KCND3: variants seen among roughly 807,000 people sequenced by gnomAD.
KCND3 encodes the protein potassium voltage-gated channel subfamily D member 3.
In KCND3, 9 loss-of-function variants were observed where a neutral mutation model predicts 51.1. The observed-to-expected ratio is 0.18, with a 90% CI of 0.11 to 0.31. The LOEUF is 0.31. Ranked by LOEUF, KCND3 falls within the 10% of genes least tolerant of loss-of-function variation. KCND3 has a pLI of 1.00. For missense variants in KCND3, 526 were observed against 903.8 expected, an observed-to-expected ratio of 0.58 and a Z score of 5.36; for synonymous variants, 349 against 368.0, an observed-to-expected ratio of 0.95 and a Z score of 0.59.
intron 2 of KCND3, among the ~76,000 whole-genome samples, chr1:111,975,344 G>T (rs952970435): frequency 6.6e-6 from 1 of 152,158 alleles, no homozygotes; most frequent in African/African-American, 2.4e-5. Context: ...TTCTCCCAGG[G>T]GTAGAGAAGA....
chr1:111,975,277 C>T (rs1448716338), intron 2 of KCND3, among the ~76,000 whole-genome samples: 1 of 152,214 alleles, frequency 6.6e-6, no homozygotes, highest in Admixed American at 6.5e-5. Context: ...GAGGTCTCGG[C>T]TGCCCCTGGC....
chr1:111,935,963 A>G (rs542331102), intron 2 of KCND3, among the ~76,000 whole-genome samples: 3 of 152,380 alleles, frequency 2.0e-5, no homozygotes, highest in African/African-American at 7.2e-5. Flanking sequence ...TAAACTCTGC[A>G]AGACTGGTTT....
intron 2 of KCND3, among the ~76,000 whole-genome samples, chr1:111,933,284 C>T (rs764748366): frequency 2.0e-5 from 3 of 152,182 alleles, no homozygotes; most frequent in Non-Finnish European, 2.9e-5. Flanking sequence ...TCTGGTATTT[C>T]TTCATGGCAG....
At chr1:111,859,255 GTTC>G (rs139240728) in intron 2 of KCND3, among the ~76,000 whole-genome samples, 19,857 of 152,070 alleles carry the variant, frequency 0.13, 1,647 homozygotes, top group East Asian at 0.4. Context: ...CCCTTTTGAA[GTTC>G]TTCTTCTCCC....
At chr1:111,924,143 C>T (rs935728362) in intron 2 of KCND3, among the ~76,000 whole-genome samples, 3 of 152,228 alleles carry the variant, frequency 2.0e-5, no homozygotes, top group African/African-American at 7.2e-5. Flanking sequence ...ATATCCACTC[C>T]ACATTCATCA....
At chr1:111,823,482 T>C (rs1408072283) in intron 2 of KCND3, among the ~76,000 whole-genome samples, 1 of 152,208 alleles carries the variant, frequency 6.6e-6, no homozygotes, top group Non-Finnish European at 1.5e-5. Flanking sequence ...CTTTAAAGAC[T>C]GAGCTGCTCT....
chr1:111,967,408 C>T (rs11807496), intron 2 of KCND3, among the ~76,000 whole-genome samples: 1,528 of 152,300 alleles, frequency 0.01, 22 homozygotes, highest in African/African-American at 0.035. Context: ...CAACGAGAGG[C>T]ATCCAGGGAG....
intron 2 of KCND3, among the ~76,000 whole-genome samples, chr1:111,919,064 T>A (rs905016661): frequency 1.3e-5 from 2 of 151,596 alleles, no homozygotes. Context: ...GGGCATCATT[T>A]CACCCCCGGG....
chr1:111,986,069 G>T (rs1276859070), intron 1 of KCND3, among the ~76,000 whole-genome samples: 1 of 152,146 alleles, frequency 6.6e-6, no homozygotes, highest in African/African-American at 2.4e-5. Context: ...CTTTGTTTAG[G>T]ATTAGGAGAC....
intron 2 of KCND3, among the ~76,000 whole-genome samples, chr1:111,823,044 G>C (rs528427745): frequency 2.0e-5 from 3 of 152,328 alleles, no homozygotes; most frequent in Non-Finnish European, 4.4e-5. Context: ...GACGGCGGGG[G>C]ACCCACGGGG....
At position 111,987,923 on chromosome 1, in the gene KCND3, C is replaced by A. The variant is rs548240447; in HGVS notation, c.-73+1582G>T. On this transcript the variant is annotated intron_variant, in intron 1 of 7. Transcript: ENST00000302127. ...AAATGAAAAAGGTGACAAATCCTGG[C>A]AAAGGAAAACATTTTCCCCTGCTGT... Among the ~76,000 whole-genome samples, 5 of 152,230 alleles carry A rather than the reference C, an allele frequency of 3.3e-5. No individual in the cohort carries two copies. The South Asian group carries it at 1.0e-3, about 32-fold the overall frequency.
chr1:111,852,508 G>T (rs562450463), intron 2 of KCND3, among the ~76,000 whole-genome samples: 1 of 152,172 alleles, frequency 6.6e-6, no homozygotes, highest in Non-Finnish European at 1.5e-5. Flanking sequence ...CTTTTAAGGG[G>T]TAATCATTTT....
At chr1:111,813,556 A>G (rs1057357659) in intron 2 of KCND3, among the ~76,000 whole-genome samples, 22 of 152,360 alleles carry the variant, frequency 1.4e-4, no homozygotes, top group Non-Finnish European at 3.2e-4. Context: ...ATGAGAGGCA[A>G]GCAGCTGAAG....
intron 2 of KCND3, among the ~76,000 whole-genome samples, chr1:111,951,571 T>C (rs1009844361): frequency 1.3e-5 from 2 of 152,184 alleles, no homozygotes; most frequent in African/African-American, 4.8e-5. Context: ...ATTCATTCAT[T>C]CAACAAATAC....
At chr1:111,865,793 G>A (rs531250832) in intron 2 of KCND3, among the ~76,000 whole-genome samples, 8 of 152,206 alleles carry the variant, frequency 5.3e-5, no homozygotes, top group South Asian at 4.1e-4. Flanking sequence ...CAGCCTCTAC[G>A]TCCTGGATTC....
intron 2 of KCND3, among the ~76,000 whole-genome samples, chr1:111,870,443 C>A (rs1458234050): frequency 7.9e-5 from 12 of 152,160 alleles, no homozygotes; most frequent in South Asian, 2.1e-4. Flanking sequence ...GACAGATGAT[C>A]ACTTTGACAC....
intron 2 of KCND3, among the ~76,000 whole-genome samples, chr1:111,874,145 T>C (rs1282895134): frequency 1.3e-5 from 2 of 152,160 alleles, no homozygotes; most frequent in Admixed American, 6.6e-5. Context: ...CAAAACATAA[T>C]TGGTAAGGCA....
At chr1:111,787,256 C>G in intron 2 of KCND3, 150 bp from the exon 3 acceptor site, 1 of 833,024 alleles carries the variant, frequency 1.2e-6, no homozygotes, top group African/African-American at 1.7e-5. Context: ...GTGACATGGA[C>G]CTGGGGGTGA....
At chr1:111,962,602 A>G (rs1049815593) in intron 2 of KCND3, among the ~76,000 whole-genome samples, 1 of 152,068 alleles carries the variant, frequency 6.6e-6, no homozygotes, top group African/African-American at 2.4e-5. Context: ...CGTAGAAACA[A>G]CTTGGACTTT....
Sources: gnomAD v4.1 joint callset for allele counts (sites outside exome capture counted in the v4.1 genomes callset) on GRCh38, gnomAD v4.1.1 for gene constraint, MANE v1.5 for transcripts, NCBI Gene and HGNC (gene_info 2026-07-23, HGNC 2026-07-21) for gene names.